TECRL: variants seen among roughly 807,000 people sequenced by gnomAD.
TECRL encodes the protein trans-2,3-enoyl-CoA reductase like.
In TECRL, 63 loss-of-function variants were observed where a neutral mutation model predicts 52.8. The observed-to-expected ratio is 1.19, with a 90% CI of 0.97 to 1.47. The LOEUF (loss-of-function observed/expected upper bound fraction) is 1.47. Among genes scored for constraint, TECRL ranks in the 40% most tolerant of loss-of-function variants. The probability of loss-of-function intolerance (pLI) is 0.00; values close to 1 mark genes in which losing one functional copy is unlikely to be tolerated. For missense variants in TECRL, 482 were observed against 429.6 expected (o/e 1.12, Z -1.08); for synonymous variants, 164 against 141.9 (o/e 1.16, Z -1.10).
At chr4:64,402,833 C>T (rs927757801) in intron 1 of TECRL, among the ~76,000 whole-genome samples, 10 of 152,046 alleles carry the variant, frequency 6.6e-5, no homozygotes, top group Non-Finnish European at 1.5e-5. Context: ...CAATGCCTTC[C>T]AGTGAACTCA....
intron 8 of TECRL, chr4:64,299,122 T>G (rs1723859042): frequency 6.6e-6 from 1 of 151,142 alleles, no homozygotes; most frequent in Non-Finnish European, 1.5e-5. Flanking sequence ...AAAAGATCTC[T>G]CCTTTTCAAA....
chr4:64,290,629 A>G (rs1723328191), intron 8 of TECRL, among the ~76,000 whole-genome samples: 1 of 152,078 alleles, frequency 6.6e-6, no homozygotes, highest in African/African-American at 2.4e-5. Flanking sequence ...CCATTTCTGT[A>G]TGCATTTTTC....
intron 1 of TECRL, among the ~76,000 whole-genome samples, chr4:64,383,727 AT>A (rs1422250942): frequency 1.3e-5 from 2 of 151,038 alleles, no homozygotes; most frequent in Non-Finnish European, 2.9e-5. Context: ...ATTTTTAGGG[AT>A]TTCATAGATT....
chr4:64,382,302 T>C (rs1477652605), intron 1 of TECRL, among the ~76,000 whole-genome samples: 1 of 145,482 alleles, frequency 6.9e-6, no homozygotes, highest in Non-Finnish European at 1.5e-5. Context: ...ATATTATACA[T>C]TATATTATAT....
intron 1 of TECRL, among the ~76,000 whole-genome samples, chr4:64,403,479 A>G (rs114623712): frequency 2.8e-3 from 402 of 145,646 alleles, no homozygotes; most frequent in Middle Eastern, 0.01. Context: ...CTGAGCGCAC[A>G]CACACACACA....
chr4:64,316,605 G>T (rs901020914), intron 4 of TECRL, among the ~76,000 whole-genome samples: 1 of 152,092 alleles, frequency 6.6e-6, no homozygotes, highest in African/African-American at 2.4e-5. Context: ...AATGGAACTG[G>T]TCTTTTCTAC....
chr4:64,340,415 T>G (rs1465308386), intron 2 of TECRL, among the ~76,000 whole-genome samples: 1 of 152,230 alleles, frequency 6.6e-6, no homozygotes, highest in Non-Finnish European at 1.5e-5. Context: ...CTGCTCCAGC[T>G]GTCTGGCTTC....
chr4:64,348,915 A>G (rs943761905), intron 2 of TECRL, among the ~76,000 whole-genome samples: 2 of 152,202 alleles, frequency 1.3e-5, no homozygotes, highest in Middle Eastern at 3.4e-3. Context: ...TCTTTGTTCC[A>G]GTTACCTCAG....
chr4:64,363,498 G>A (rs1267453391), intron 2 of TECRL, among the ~76,000 whole-genome samples: 1 of 152,090 alleles, frequency 6.6e-6, no homozygotes, highest in East Asian at 1.9e-4. Context: ...TTTATAACCT[G>A]ACGTGTCCAC....
At chr4:64,350,079 G>T (rs1323279498) in intron 2 of TECRL, among the ~76,000 whole-genome samples, 1 of 139,822 alleles carries the variant, frequency 7.2e-6, no homozygotes, top group Non-Finnish European at 1.6e-5. Context: ...ACATCTGTCT[G>T]TTGACAGAAG....
At chr4:64,310,601 A>T (rs961030633) in intron 5 of TECRL, among the ~76,000 whole-genome samples, 3 of 152,196 alleles carry the variant, frequency 2.0e-5, no homozygotes, top group African/African-American at 7.2e-5. Flanking sequence ...TTTTCTGGAT[A>T]TACTATAAAC....
chr4:64,331,247 C>T (rs1329163851), intron 2 of TECRL, among the ~76,000 whole-genome samples: 1 of 151,994 alleles, frequency 6.6e-6, no homozygotes, highest in African/African-American at 2.4e-5. Flanking sequence ...TGTAAACAGC[C>T]ACTGGTGCCA....
At chr4:64,368,001 C>T (rs1721721264) in intron 2 of TECRL, among the ~76,000 whole-genome samples, 1 of 151,896 alleles carries the variant, frequency 6.6e-6, no homozygotes, top group Non-Finnish European at 1.5e-5. Flanking sequence ...GTTTTATTAA[C>T]CTGGTAGTGT....
At chr4:64,306,119 C>T (rs1343341823) in intron 6 of TECRL, among the ~76,000 whole-genome samples, 2 of 152,118 alleles carry the variant, frequency 1.3e-5, no homozygotes, top group South Asian at 2.1e-4. Flanking sequence ...TTTCCAAGAG[C>T]TCTTGCCTCT....
At chr4:64,307,077 T>A (rs1410225050) in intron 6 of TECRL, among the ~76,000 whole-genome samples, 1 of 152,134 alleles carries the variant, frequency 6.6e-6, no homozygotes, top group Non-Finnish European at 1.5e-5. Flanking sequence ...CTATTCTTCC[T>A]CCAAGTTTAA....
chr4:64,396,635 C>T (rs755005870), intron 1 of TECRL, among the ~76,000 whole-genome samples: 9 of 151,896 alleles, frequency 5.9e-5, no homozygotes, highest in South Asian at 2.1e-4. Flanking sequence ...TTTCTTTTGC[C>T]GTAAGGGACC....
At chr4:64,285,711 G>A (rs1723045589) in intron 9 of TECRL, among the ~76,000 whole-genome samples, 1 of 152,136 alleles carries the variant, frequency 6.6e-6, no homozygotes, top group African/African-American at 2.4e-5. Flanking sequence ...TTATAGATCA[G>A]AACCCTGAAT....
At chr4:64,277,080 A>C (rs1228628760), downstream of TECRL, 1 of 1,460,336 alleles carries the variant, frequency 6.8e-7, no homozygotes, top group Non-Finnish European at 9.2e-7. Context: ...AATAAATTTA[A>C]AAAACACATT....
chr4:64,391,114 A>G lies in TECRL; in HGVS notation c.235-15891T>C, dbSNP rs116132939. Among the ~76,000 whole-genome samples, 979 of 151,964 alleles carry G rather than the reference A, an allele frequency of 6.4e-3. 8 individuals carry two copies. The highest frequency in any genetic ancestry group is 0.022 in the African/African-American group (923 of 41,538). The stretch of plus-strand genomic sequence containing the variant: ...TCTTGGAAGAATTTGTCCTCAACGT[A>G]TAAACAAATTCAGAGTATCTGACAT... On this transcript the variant is annotated intron_variant, in intron 1 of 11. Coordinates refer to ENST00000381210, the MANE Select transcript of TECRL (RefSeq NM_001010874.5).
Sources: allele counts gnomAD v4.1 joint callset (sites outside exome capture counted in the v4.1 genomes callset), GRCh38; gene constraint gnomAD v4.1.1; transcripts MANE v1.5; gene names NCBI Gene and HGNC (gene_info 2026-07-23, HGNC 2026-07-21).